ESR2: variants seen among roughly 807,000 people sequenced by gnomAD.
ESR2 encodes estrogen receptor beta.
A neutral mutation model predicts 49.6 loss-of-function variants in ESR2; 36 were observed. The ratio of observed to expected loss-of-function variants is 0.73; its 90% CI spans 0.56 to 0.96. The LOEUF is 0.96. Ranked by LOEUF, ESR2 falls within the 40% of genes least tolerant of loss-of-function variation. The pLI is 0.00. For missense variants in ESR2, 714 were observed against 693.0 expected, an observed-to-expected ratio of 1.03 and a Z score of -0.34; for synonymous variants, 320 against 266.1, an observed-to-expected ratio of 1.20 and a Z score of -1.97.
At chr14:64,318,396 G>A (rs774295018) in intron 1 of ESR2, among the ~76,000 whole-genome samples, 4 of 151,496 alleles carry the variant, frequency 2.6e-5, no homozygotes, top group Non-Finnish European at 5.9e-5. Flanking sequence ...AATTAGCCAG[G>A]CATGGTGGCA....
rs938070165 is a variant in ESR2, at chr14:64,280,227, G to T, written c.363-74C>A. ...AAGGGCTTTCTAGGAAAAAAAAATAGCATGAACATTGCCTAATTTAATCTC... is the reference window on the plus strand; with the variant it reads ...AAGGGCTTTCTAGGAAAAAAAAATATCATGAACATTGCCTAATTTAATCTC... On this transcript the variant is annotated intron_variant, in intron 2 of 8. Transcript: ENST00000341099. The T allele has an allele frequency of 6.7e-5, 65 of 972,526 alleles. 1 individual carries two copies. The South Asian group carries it at 8.7e-4, about 13-fold the overall frequency. The allele number at this position is 972,526 out of a possible 1,614,324, so 60.2% of individuals were successfully genotyped here. A position where few individuals can be genotyped will look rare whatever the true frequency, so the allele number is the denominator to read the frequency against.
At chr14:64,246,356 T>G (rs1300255357) in intron 7 of ESR2, among the ~76,000 whole-genome samples, 1 of 152,132 alleles carries the variant, frequency 6.6e-6, no homozygotes, top group Non-Finnish European at 1.5e-5. Context: ...AAGGGGCTCT[T>G]CTGCCTTTGC....
chr14:64,253,604 GTATGTA>G (rs1284302918), intron 6 of ESR2, among the ~76,000 whole-genome samples: 8 of 142,792 alleles, frequency 5.6e-5, no homozygotes, highest in Non-Finnish European at 9.1e-5. Flanking sequence ...GTGTGTGTGT[GTATGTA>G]TGTGTGTGTA....
At chr14:64,250,404 A>AATTAAACATTAAAT (rs2075964123) in intron 6 of ESR2, among the ~76,000 whole-genome samples, 1 of 152,242 alleles carries the variant, frequency 6.6e-6, no homozygotes, top group African/African-American at 2.4e-5. Context: ...TCCTTGTAGA[A>AATTAAACATTAAAT]ATAAATGTTT....
chr14:64,328,870 C>T lies in ESR2; in HGVS notation c.-91+9028G>A, dbSNP rs189701359. On this transcript the variant is annotated intron_variant, in intron 1 of 8. Coordinates refer to the ESR2 transcript ENST00000358599. The stretch of plus-strand genomic sequence containing the variant: ...AACATACACAGTCTGACTCTAAAGA[C>T]TCTTTGTATTTCAAAGAAAGTAGCC... Among the ~76,000 whole-genome samples, 14 of 152,274 alleles carry T rather than the reference C, an allele frequency of 9.2e-5. No individual in the cohort carries two copies. In the East Asian group the frequency reaches 2.7e-3, roughly 29 times the overall value.
chr14:64,249,416 C>A, intron 7 of ESR2, 130 bp downstream of exon 7: 1 of 1,071,734 alleles, frequency 9.3e-7, no homozygotes, highest in Non-Finnish European at 1.3e-6. Context: ...AAAATAAAAA[C>A]GAAGTCCAAA....
chr14:64,294,063 T>C lies in ESR2; in HGVS notation c.-121A>G, dbSNP rs2076915967. On this transcript the variant is annotated 5_prime_UTR_variant, in exon 1 of 9. Coordinates refer to ENST00000341099, the MANE Select transcript of ESR2 (RefSeq NM_001437.3). The stretch of plus-strand genomic sequence containing the variant: ...AGATAAACACACCGGCCTTGCCTTC[T>C]CTAAAATGCGGACACGTGCTTTTCC... 1 of 152,270 alleles carries C rather than the reference T, an allele frequency of 6.6e-6. No individual in the cohort carries two copies. Among genetic ancestry groups the C allele is most frequent in the Non-Finnish European group, 1.5e-5 (1 of 68,070 alleles). 9.4% of individuals were successfully genotyped at this position (152,270 alleles called of 1,614,324 possible).
chr14:64,306,609 C>T (rs1345254657), intron 1 of ESR2, among the ~76,000 whole-genome samples: 2 of 152,188 alleles, frequency 1.3e-5, no homozygotes, highest in Non-Finnish European at 2.9e-5. Context: ...GAAATGAAGA[C>T]TTATATGCCT....
intron 1 of ESR2, among the ~76,000 whole-genome samples, chr14:64,316,477 T>C (rs1042530640): frequency 6.6e-6 from 1 of 152,056 alleles, no homozygotes; most frequent in African/African-American, 2.4e-5. Flanking sequence ...GAAACTAATA[T>C]TACCCTGATA....
chr14:64,258,867 T>C (rs981872562), intron 5 of ESR2, among the ~76,000 whole-genome samples: 1 of 152,322 alleles, frequency 6.6e-6, no homozygotes, highest in African/African-American at 2.4e-5. Context: ...TTTTAATATA[T>C]ATTTTTTGGT....
At chr14:64,241,086 C>G (rs2075717502) in intron 7 of ESR2, among the ~76,000 whole-genome samples, 1 of 137,726 alleles carries the variant, frequency 7.3e-6, no homozygotes, top group African/African-American at 2.8e-5. Flanking sequence ...GCGGAGCTTG[C>G]AGTGAGCCGA....
At chr14:64,279,163 G>T (rs2076614815) in intron 3 of ESR2, among the ~76,000 whole-genome samples, 1 of 152,182 alleles carries the variant, frequency 6.6e-6, no homozygotes, top group Admixed American at 6.6e-5. Context: ...CCTGCTTTCA[G>T]GTGTCCTGCC....
At chr14:64,283,378 G>C (rs1424449776) in intron 1 of ESR2, among the ~76,000 whole-genome samples, 5 of 152,132 alleles carry the variant, frequency 3.3e-5, no homozygotes, top group Admixed American at 2.0e-4. Context: ...AAATAAAAAT[G>C]AAAGTTCTTA....
chr14:64,280,039 A>G lies in ESR2; in HGVS notation c.477T>C (p.Tyr159=), dbSNP rs373386845. Residue 159 remains tyrosine (Y), a synonymous_variant, in exon 3 of 9, where the codon TAT becomes TAC. Coordinates refer to ENST00000341099, the MANE Select transcript of ESR2 (RefSeq NM_001437.3). The part of the protein sequence containing the change: ...CAVCSDYASG[Y]HYGVWSCEGC... ...CTTCACACGACCAGACTCCATAGTG[A>G]TATCCCGATGCGTAATCGCTGCAGA... 32 of 1,614,094 alleles carry G rather than the reference A, an allele frequency of 2.0e-5. No homozygotes were observed. The highest frequency in any genetic ancestry group is 1.6e-4 in the Middle Eastern group (1 of 6,084).
chr14:64,317,621 G>C (rs1237791537), intron 1 of ESR2, among the ~76,000 whole-genome samples: 1 of 152,142 alleles, frequency 6.6e-6, no homozygotes, highest in Non-Finnish European at 1.5e-5. Context: ...TCCAACAATG[G>C]AGATTACATT....
At chr14:64,285,210 T>A (rs1460201445) in intron 1 of ESR2, among the ~76,000 whole-genome samples, 1 of 152,200 alleles carries the variant, frequency 6.6e-6, no homozygotes, top group Non-Finnish European at 1.5e-5. Flanking sequence ...TCGTCCCCAG[T>A]TAGCTTCTCC....
chr14:64,245,876 A>G (rs1173605083), intron 7 of ESR2, among the ~76,000 whole-genome samples: 1 of 152,254 alleles, frequency 6.6e-6, no homozygotes. Flanking sequence ...TCTGAAAGTG[A>G]GAGAAGCCCC....
At chr14:64,310,646 A>G (rs554400081) in intron 1 of ESR2, among the ~76,000 whole-genome samples, 2 of 151,968 alleles carry the variant, frequency 1.3e-5, no homozygotes, top group South Asian at 4.2e-4. Flanking sequence ...TAATTTTTGT[A>G]TTTTTAGTAG....
intron 1 of ESR2, among the ~76,000 whole-genome samples, chr14:64,319,318 A>G (rs151305487): frequency 1.2e-3 from 177 of 152,292 alleles, no homozygotes; most frequent in Non-Finnish European, 2.2e-3. Context: ...CAAAACTATA[A>G]AACTCCTAGA....
Sources: allele counts gnomAD v4.1 joint callset (sites outside exome capture counted in the v4.1 genomes callset), GRCh38; gene constraint gnomAD v4.1.1; transcripts MANE v1.5; gene names NCBI Gene and HGNC (gene_info 2026-07-23, HGNC 2026-07-21).